Variants in RBFOX1 observed in about 807,000 individuals in gnomAD.
The protein encoded by RBFOX1 is RNA binding fox-1 homolog 1, also known as RNA binding protein fox-1 homolog 1.
In RBFOX1, 8 loss-of-function variants were observed where a neutral mutation model predicts 57.7. The ratio of observed to expected loss-of-function variants is 0.14; its 90% CI spans 0.08 to 0.25. RBFOX1 has a LOEUF of 0.25. Ranked by LOEUF, RBFOX1 falls within the 10% of genes least tolerant of loss-of-function variation. RBFOX1 has a pLI of 1.00. For synonymous variants in RBFOX1, 326 were observed against 222.4 expected (o/e 1.47, Z -4.15); for missense variants, 611 against 548.5 (o/e 1.11, Z -1.14).
At chr16:6,734,056 T>C (rs1440342104) in intron 3 of RBFOX1, among the ~76,000 whole-genome samples, 2 of 152,224 alleles carry the variant, frequency 1.3e-5, no homozygotes, top group African/African-American at 4.8e-5. Flanking sequence ...ATGGTCATTT[T>C]AGAGAACTTA....
chr16:7,642,923 A>G (rs2063086814), intron 11 of RBFOX1, among the ~76,000 whole-genome samples: 4 of 152,222 alleles, frequency 2.6e-5, no homozygotes, highest in Admixed American at 6.5e-5. Context: ...TGTTACAAAA[A>G]TCCTGCCCGG....
chr16:6,913,748 G>A (rs982582045), intron 3 of RBFOX1, among the ~76,000 whole-genome samples: 1 of 152,170 alleles, frequency 6.6e-6, no homozygotes, highest in Non-Finnish European at 1.5e-5. Context: ...CGTCTGGGCA[G>A]CCAGCGGTTA....
chr16:6,294,423 C>A (rs1441162693), intron 1 of RBFOX1, among the ~76,000 whole-genome samples: 3 of 152,178 alleles, frequency 2.0e-5, no homozygotes, highest in Non-Finnish European at 4.4e-5. Context: ...TTGTTTTAAG[C>A]AGTGAGTGGT....
intron 4 of RBFOX1, among the ~76,000 whole-genome samples, chr16:7,433,484 C>T (rs1337860806): frequency 2.6e-5 from 4 of 152,152 alleles, no homozygotes; most frequent in African/African-American, 2.4e-5. Context: ...GGACTGAGTC[C>T]ATAATGCTGT....
At chr16:6,828,147 G>A (rs2092375538) in intron 3 of RBFOX1, among the ~76,000 whole-genome samples, 1 of 152,162 alleles carries the variant, frequency 6.6e-6, no homozygotes, top group Non-Finnish European at 1.5e-5. Context: ...TTTGGCTTAA[G>A]GAGGAAGGCC....
At chr16:6,256,161 A>ATATG (rs2097660870) in intron 1 of RBFOX1, among the ~76,000 whole-genome samples, 1 of 14,950 alleles carries the variant, frequency 6.7e-5, no homozygotes, top group Non-Finnish European at 1.8e-4. Flanking sequence ...ATATATATGT[A>ATATG]TATATATATG....
At chr16:6,776,028 C>G (rs1049603517) in intron 3 of RBFOX1, 4 of 152,068 alleles carry the variant, frequency 2.6e-5, no homozygotes, top group Non-Finnish European at 5.9e-5. Flanking sequence ...AAGAAGAAAT[C>G]AACACTTTAC....
intron 4 of RBFOX1, among the ~76,000 whole-genome samples, chr16:7,087,683 A>C (rs1167452654): frequency 6.6e-6 from 1 of 152,120 alleles, no homozygotes; most frequent in African/African-American, 2.4e-5. Flanking sequence ...ACTCATAAAC[A>C]AGCACACCAA....
intron 4 of RBFOX1, among the ~76,000 whole-genome samples, chr16:7,264,694 T>A (rs2095060193): frequency 6.6e-6 from 1 of 152,234 alleles, no homozygotes; most frequent in Non-Finnish European, 1.5e-5. Context: ...TTCTTTGGAT[T>A]TTTCTCAACT....
chr16:6,081,139 T>A (rs1406383408), intron 1 of RBFOX1, among the ~76,000 whole-genome samples: 1 of 152,206 alleles, frequency 6.6e-6, no homozygotes, highest in Non-Finnish European at 1.5e-5. Context: ...TGATTTCTCA[T>A]AGGGCGTCTT....
intron 3 of RBFOX1, among the ~76,000 whole-genome samples, chr16:6,860,489 G>T (rs2058800941): frequency 6.6e-6 from 1 of 152,182 alleles, no homozygotes; most frequent in Non-Finnish European, 1.5e-5. Flanking sequence ...TGATGCACCT[G>T]CTTTGGCGCT....
At chr16:6,843,413 A>G (rs1182754348) in intron 3 of RBFOX1, among the ~76,000 whole-genome samples, 2 of 152,096 alleles carry the variant, frequency 1.3e-5, no homozygotes, top group African/African-American at 2.4e-5. Flanking sequence ...CTTTGGCCAG[A>G]CATGGTGGCT....
intron 3 of RBFOX1, among the ~76,000 whole-genome samples, chr16:7,027,810 T>C (rs1597392408): frequency 1.4e-5 from 2 of 144,436 alleles, no homozygotes; most frequent in African/African-American, 2.6e-5. Context: ...AAGAAATAAA[T>C]GAGAAAGAAG....
intron 11 of RBFOX1, among the ~76,000 whole-genome samples, chr16:7,632,500 T>C (rs568221730): frequency 2.0e-5 from 3 of 152,268 alleles, no homozygotes; most frequent in Non-Finnish European, 4.4e-5. Context: ...TGGAGGGCAA[T>C]CCCAGAGCCA....
intron 2 of RBFOX1, among the ~76,000 whole-genome samples, chr16:5,548,016 C>T (rs2045287351): frequency 6.6e-6 from 1 of 151,596 alleles, no homozygotes; most frequent in Admixed American, 6.6e-5. Context: ...AAAAAATTAA[C>T]CGGGCGTGGT....
chr16:7,215,968 A>G (rs1474849114), intron 4 of RBFOX1, among the ~76,000 whole-genome samples: 1 of 151,962 alleles, frequency 6.6e-6, no homozygotes, highest in Non-Finnish European at 1.5e-5. Flanking sequence ...TGTGATCCGC[A>G]CGCCTCGGCC....
At chr16:6,468,780 T>C (rs746028608) in intron 2 of RBFOX1, among the ~76,000 whole-genome samples, 6 of 152,178 alleles carry the variant, frequency 3.9e-5, no homozygotes, top group African/African-American at 7.2e-5. Context: ...AATTTTATTT[T>C]ATTATTTTTT....
At chr16:7,517,536 G>A (rs1323905015) in intron 4 of RBFOX1, among the ~76,000 whole-genome samples, 1 of 65,176 alleles carries the variant, frequency 1.5e-5, no homozygotes. Context: ...CATCATACAC[G>A]CATACACACA....
At chr16:5,670,089 A>G (rs1490666250) in intron 3 of RBFOX1, among the ~76,000 whole-genome samples, 2 of 152,138 alleles carry the variant, frequency 1.3e-5, no homozygotes, top group African/African-American at 4.8e-5. Context: ...ACAAAAGGTC[A>G]CAGACCTTAG....
Sources: allele counts gnomAD v4.1 joint callset (sites outside exome capture counted in the v4.1 genomes callset), GRCh38; gene constraint gnomAD v4.1.1; transcripts MANE v1.5; gene names NCBI Gene and HGNC (gene_info 2026-07-23, HGNC 2026-07-21).